The following SLC5A4 variants were observed in gnomAD, a reference collection of about 807,000 sequenced individuals.
SLC5A4 encodes the protein solute carrier family 5 member 4, also known as probable glucose sensor protein SLC5A4.
Under a neutral mutation model 70.3 loss-of-function variants are expected in SLC5A4, and 55 were observed. That is an observed-to-expected ratio of 0.78 (90% CI 0.63 to 0.98). SLC5A4 has a LOEUF of 0.98. SLC5A4 is among the 50% of genes least tolerant of loss of function. The pLI, the probability that SLC5A4 is intolerant of heterozygous loss-of-function variation, is 0.00. For missense variants in SLC5A4, 735 were observed against 839.2 expected (o/e 0.88, Z 1.53); for synonymous variants, 268 against 305.7 (o/e 0.88, Z 1.29).
the SLC5A4 span, among the ~76,000 whole-genome samples, chr22:32,351,843 G>C: frequency 6.6e-6 from 1 of 150,660 alleles, no homozygotes; most frequent in African/African-American, 2.4e-5. Flanking sequence ...TTGTGATAAA[G>C]AAAACAAAGG....
chr22:32,349,175 A>G, the SLC5A4 span, among the ~76,000 whole-genome samples: 19,377 of 152,118 alleles, frequency 0.13, 1,394 homozygotes, highest in African/African-American at 0.18. Flanking sequence ...GGGTTTCACC[A>G]TTTTAGCCAG....
chr22:32,237,653 A>T (rs1405915178), intron 6 of SLC5A4, among the ~76,000 whole-genome samples: 1 of 152,224 alleles, frequency 6.6e-6, no homozygotes, highest in Non-Finnish European at 1.5e-5. Flanking sequence ...ACGCCCATTC[A>T]GCACAGTGCA....
At chr22:32,245,111 A>G (rs1409822427) in intron 5 of SLC5A4, among the ~76,000 whole-genome samples, 1 of 152,204 alleles carries the variant, frequency 6.6e-6, no homozygotes, top group Non-Finnish European at 1.5e-5. Context: ...GAACAAGATG[A>G]TCTTTTTCCA....
At chr22:32,231,344 G>A in intron 9 of SLC5A4, among the ~76,000 whole-genome samples, 1 of 152,230 alleles carries the variant, frequency 6.6e-6, no homozygotes, top group Non-Finnish European at 1.5e-5. Flanking sequence ...AGCAAAGAGA[G>A]GGAGTGGACC....
At chr22:32,293,180 A>G in the SLC5A4 span, among the ~76,000 whole-genome samples, 3 of 152,124 alleles carry the variant, frequency 2.0e-5, no homozygotes, top group Non-Finnish European at 4.4e-5. Context: ...AATGTTGTAA[A>G]TGTCTTTTAT....
the SLC5A4 span, among the ~76,000 whole-genome samples, chr22:32,311,613 A>T: frequency 6.6e-6 from 1 of 152,186 alleles, no homozygotes; most frequent in Non-Finnish European, 1.5e-5. Flanking sequence ...GGGTTTCCAT[A>T]GCCTCGTTAC....
At chr22:32,323,948 C>T in the SLC5A4 span, among the ~76,000 whole-genome samples, 1 of 152,014 alleles carries the variant, frequency 6.6e-6, no homozygotes, top group Non-Finnish European at 1.5e-5. Flanking sequence ...CCTCACCCGA[C>T]TTTGGCAGAG....
At chr22:32,306,329 GTGGCAGGTGCCTGCTAGTCCCAGCTACT>G in the SLC5A4 span, among the ~76,000 whole-genome samples, 1 of 89,944 alleles carries the variant, frequency 1.1e-5, no homozygotes, top group Non-Finnish European at 2.4e-5. Context: ...GCCAGGTGTG[GTGGCAGGTGCCTGCTAGTCCCAGCTACT>G]TGGCAGGCTG....
At chr22:32,256,619 T>A (rs775760796), upstream of SLC5A4, among the ~76,000 whole-genome samples, 1 of 152,190 alleles carries the variant, frequency 6.6e-6, no homozygotes, top group Non-Finnish European at 1.5e-5. Context: ...TGTTATTCTT[T>A]CTTACTATAT....
At chr22:32,273,666 G>A in the SLC5A4 span, among the ~76,000 whole-genome samples, 1 of 152,168 alleles carries the variant, frequency 6.6e-6, no homozygotes, top group East Asian at 1.9e-4. Context: ...AGTATTTGCT[G>A]AGTGAGTTAT....
At chr22:32,337,308 G>A in the SLC5A4 span, among the ~76,000 whole-genome samples, 2 of 152,174 alleles carry the variant, frequency 1.3e-5, no homozygotes, top group African/African-American at 4.8e-5. Context: ...CAAGGCAGGC[G>A]GATTGCCTGG....
chr22:32,310,702 T>C, the SLC5A4 span, among the ~76,000 whole-genome samples: 1 of 152,244 alleles, frequency 6.6e-6, no homozygotes, highest in Non-Finnish European at 1.5e-5. Context: ...ACAGCTGACC[T>C]GTGTGACCCT....
the SLC5A4 span, among the ~76,000 whole-genome samples, chr22:32,294,665 C>CTTT: frequency 5.7e-4 from 50 of 87,662 alleles, no homozygotes; most frequent in African/African-American, 2.1e-3. Context: ...TGGTGGTTGG[C>CTTT]TTTTTCTTTT....
At chr22:32,277,377 T>C in the SLC5A4 span, among the ~76,000 whole-genome samples, 1 of 152,208 alleles carries the variant, frequency 6.6e-6, no homozygotes, top group African/African-American at 2.4e-5. Flanking sequence ...TAACTTCTGC[T>C]TTCTTATATG....
At chr22:32,272,672 G>A in the SLC5A4 span, 5 of 557,848 alleles carry the variant, frequency 9.0e-6, no homozygotes, top group Non-Finnish European at 3.3e-6. Context: ...AGAGTTTTGG[G>A]GGCATGTGCC....
intron 5 of SLC5A4, among the ~76,000 whole-genome samples, chr22:32,239,550 A>T (rs1422131325): frequency 2.0e-4 from 3 of 15,322 alleles, no homozygotes; most frequent in African/African-American, 7.9e-4. Context: ...ATATATATAT[A>T]TATATATATA....
intron 7 of SLC5A4, among the ~76,000 whole-genome samples, chr22:32,236,540 C>T (rs920034176): frequency 3.9e-5 from 6 of 152,126 alleles, no homozygotes; most frequent in Admixed American, 1.3e-4. Flanking sequence ...ATATTCAGTT[C>T]TCAAATTTTT....
intron 5 of SLC5A4, among the ~76,000 whole-genome samples, chr22:32,239,545 TATATATATA>T (rs1569374778): frequency 7.2e-4 from 9 of 12,482 alleles, no homozygotes; most frequent in East Asian, 2.6e-3. Context: ...TATATATATA[TATATATATA>T]TATATATATA....
the SLC5A4 span, among the ~76,000 whole-genome samples, chr22:32,350,580 A>C: frequency 6.6e-6 from 1 of 152,204 alleles, no homozygotes; most frequent in Non-Finnish European, 1.5e-5. Flanking sequence ...ATCTGTAAAC[A>C]AATGACTACA....
Sources: allele counts gnomAD v4.1 joint callset (sites outside exome capture counted in the v4.1 genomes callset), GRCh38; gene constraint gnomAD v4.1.1; transcripts MANE v1.5; gene names NCBI Gene and HGNC (gene_info 2026-07-23, HGNC 2026-07-21).